TMEM255B: variants seen among roughly 807,000 people sequenced by gnomAD.
TMEM255B encodes family with sequence similarity 70, member B.
TMEM255B carries 35 observed loss-of-function variants against 34.5 expected under a neutral mutation model. The observed-to-expected ratio is 1.01, with a 90% CI of 0.77 to 1.34. The LOEUF (loss-of-function observed/expected upper bound fraction) is 1.34, where lower values mean the gene tolerates loss of function less well. Ranked by LOEUF, TMEM255B falls within the 40% of genes most tolerant of loss-of-function variation. The pLI is 0.00. For missense variants in TMEM255B, 432 were observed against 433.2 expected, an observed-to-expected ratio of 1.00 and a Z score of 0.02; for synonymous variants, 206 against 201.2, an observed-to-expected ratio of 1.02 and a Z score of -0.20.
At chr13:113,775,493 C>T (rs780838609) in intron 3 of TMEM255B, among the ~76,000 whole-genome samples, 10 of 152,218 alleles carry the variant, frequency 6.6e-5, no homozygotes, top group Non-Finnish European at 8.8e-5. Context: ...CAGTGTTGGG[C>T]GGCTCTGCGG....
At chr13:113,765,494 A>G (rs748027800) in intron 1 of TMEM255B, among the ~76,000 whole-genome samples, 9 of 152,176 alleles carry the variant, frequency 5.9e-5, no homozygotes, top group Non-Finnish European at 1.2e-4. Flanking sequence ...ACACATGTGC[A>G]CACACACAAA....
chr13:113,779,916 A>G lies in TMEM255B; in HGVS notation c.252+10756A>G, dbSNP rs563412585. Among the ~76,000 whole-genome samples the G allele has an allele frequency of 1.9e-4, 29 of 152,350 alleles. No individual in the cohort carries two copies. In the South Asian group the frequency reaches 2.3e-3, roughly 12 times the overall value. On this transcript the variant is annotated intron_variant, in intron 3 of 8. Coordinates refer to ENST00000375353, the MANE Select transcript of TMEM255B (RefSeq NM_182614.4). Reference sequence around the variant, plus strand: ...GTTTTCCATTTTTATTAAAAGACACATGGTAGGACTGGTTTACTTTATTAT... The same window carrying G: ...GTTTTCCATTTTTATTAAAAGACACGTGGTAGGACTGGTTTACTTTATTAT...
At chr13:113,768,467 A>G (rs1422119357) in intron 2 of TMEM255B, among the ~76,000 whole-genome samples, 2 of 152,130 alleles carry the variant, frequency 1.3e-5, no homozygotes, top group African/African-American at 2.4e-5. Flanking sequence ...CCTGTGGAGT[A>G]AGGGGGCTCT....
Position 113,792,038 on chromosome 13 carries a change from C to A in TMEM255B, c.253-3110C>A, listed in dbSNP as rs1207917614. On this transcript the variant is annotated intron_variant, in intron 3 of 8. Coordinates refer to ENST00000375353, the MANE Select transcript of TMEM255B (RefSeq NM_182614.4). ...GGAGGCCCCAGAGCTGGGGACGCGG[C>A]CCCGCTGGAGGCCGGCTTTCATCTT... Among the ~76,000 whole-genome samples the A allele has an allele frequency of 2.6e-5, 4 of 152,252 alleles. No homozygotes were observed. The South Asian group carries it at 6.2e-4, about 24-fold the overall frequency.
In TMEM255B at chr13:113,800,842, C is replaced by T. The variant is rs189764657; in HGVS notation, c.439C>T (p.Leu147=). 3.0e-5 allele frequency: 49 copies of T among 1,608,586 alleles called. No homozygotes were observed. Among genetic ancestry groups the T allele is most frequent in the Admixed American group, 8.4e-5 (5 of 59,506 alleles). The part of the protein sequence containing the change: ...VYQTEVTCHS[L]DGKCQLKVRS... ...TCTGCCCCAGGTCACCTGTCACTCC[C>T]TGGACGGCAAGTGCCAGCTGAAGGT... Residue 147 remains leucine, a synonymous_variant, in exon 6 of 9, where the codon CTG becomes TTG. Coordinates refer to ENST00000375353, the MANE Select transcript of TMEM255B (RefSeq NM_182614.4).
intron 3 of TMEM255B, among the ~76,000 whole-genome samples, chr13:113,772,536 T>C (rs1007704448): frequency 2.6e-4 from 39 of 152,238 alleles, no homozygotes; most frequent in African/African-American, 9.2e-4. Context: ...GGAGTTATTA[T>C]AGTTTTAACT....
intron 8 of TMEM255B, among the ~76,000 whole-genome samples, chr13:113,811,134 C>T (rs2051289349): frequency 6.6e-6 from 1 of 150,952 alleles, no homozygotes; most frequent in South Asian, 2.1e-4. Context: ...TTCTGGTGGC[C>T]CTGGGTCTGT....
At chr13:113,778,144 A>G (rs2050609452) in intron 3 of TMEM255B, among the ~76,000 whole-genome samples, 1 of 152,226 alleles carries the variant, frequency 6.6e-6, no homozygotes, top group South Asian at 2.1e-4. Flanking sequence ...GGATCGGTGC[A>G]GGACAGGCGT....
intron 8 of TMEM255B, among the ~76,000 whole-genome samples, chr13:113,811,182 G>GGGACCCGTGAGAGCGGTCCTGGGTCT (rs1566338172): frequency 8.4e-6 from 1 of 119,754 alleles, no homozygotes; most frequent in Non-Finnish European, 1.7e-5. Flanking sequence ...GGGTCTGTGG[G>GGGACCCGTGAGAGCGGTCCTGGGTCT]GTGGGGGCCA....
rs532997248 is a variant in TMEM255B, at chr13:113,804,088, G to A, written c.670-797G>A. 2.0e-5 allele frequency among the ~76,000 whole-genome samples: 3 copies of A among 152,320 alleles called. No homozygotes were observed. The South Asian group carries it at 6.2e-4, about 32-fold the overall frequency. On this transcript the variant is annotated intron_variant, in intron 7 of 8. Transcript: ENST00000375353. ...GCACCTGTGTGAAGGTGGGGAGGGA[G>A]GCGAAGCCCGGGTGCCCTCGGCCCA...
chr13:113,779,109 C>T (rs186717083), intron 3 of TMEM255B, among the ~76,000 whole-genome samples: 1 of 151,948 alleles, frequency 6.6e-6, no homozygotes, highest in East Asian at 1.9e-4. Context: ...GGTTTCAGGT[C>T]AGAGGGGAGT....
intron 3 of TMEM255B, among the ~76,000 whole-genome samples, chr13:113,774,953 A>G: frequency 6.7e-6 from 1 of 149,612 alleles, no homozygotes; most frequent in East Asian, 2.0e-4. Flanking sequence ...TGCACACAAC[A>G]CACGACACAC....
intron 2 of TMEM255B, 71 bp downstream of exon 2, chr13:113,766,328 C>A: frequency 6.2e-7 from 1 of 1,601,372 alleles, no homozygotes; most frequent in South Asian, 1.1e-5. Context: ...GGGTGGAGTC[C>A]ACGCCAGCTC....
Position 113,800,045 on chromosome 13 carries a change from G to A in TMEM255B, c.423+626G>A. On this transcript the variant is annotated intron_variant, in intron 5 of 8. Transcript: ENST00000375353. ...CTGCCAGCTTGTCTGGGACTCTCCAGCAGCTGCCGGGAGGCATCGTGTGTG... is the reference window on the plus strand; with the variant it reads ...CTGCCAGCTTGTCTGGGACTCTCCAACAGCTGCCGGGAGGCATCGTGTGTG... 16 of 1,209,348 alleles carry A rather than the reference G, an allele frequency of 1.3e-5. 1 individual carries two copies. Among genetic ancestry groups the A allele is most frequent in the Non-Finnish European group, 1.7e-5 (16 of 948,648 alleles). 74.9% of individuals were successfully genotyped at this position (1,209,348 alleles called of 1,614,324 possible).
In TMEM255B at chr13:113,770,410, A is replaced by G. The variant is rs766174047; in HGVS notation, c.252+1250A>G. Among the ~76,000 whole-genome samples the G allele has an allele frequency of 5.9e-5, 9 of 152,226 alleles. No individual in the cohort carries two copies. Among genetic ancestry groups the G allele is most frequent in the South Asian group, 2.1e-4 (1 of 4,820 alleles). On this transcript the variant is annotated intron_variant, in intron 3 of 8. Transcript: ENST00000375353. The surrounding 1 kb of genome is among the most constrained non-coding windows in gnomAD (Gnocchi z 4.6). ...ATTTGGGTGAGGACACAGCCAAACC[A>G]TATCACCCCGCATGGGACCCAGCAA...
At chr13:113,762,748 A>G (rs931621792) in intron 1 of TMEM255B, among the ~76,000 whole-genome samples, 11 of 152,194 alleles carry the variant, frequency 7.2e-5, no homozygotes, top group African/African-American at 2.7e-4. Flanking sequence ...GAATCCAGTC[A>G]CAGGGTTCCT....
chr13:113,803,521 G>T (rs183206786), intron 7 of TMEM255B, among the ~76,000 whole-genome samples: 2 of 148,118 alleles, frequency 1.4e-5, no homozygotes, highest in African/African-American at 2.5e-5. Flanking sequence ...GGCCTCCTCC[G>T]CGTGTGACTC....
At position 113,800,819 on chromosome 13, in the gene TMEM255B, T is replaced by C; in HGVS notation, c.424-8T>C. 1 of 1,602,164 alleles carries C rather than the reference T, an allele frequency of 6.2e-7. No individual in the cohort carries two copies. The highest frequency in any genetic ancestry group is 1.1e-5 in the South Asian group (1 of 88,888). Reference sequence around the variant, plus strand: ...GGCATGTGACCTGACAAGGCCTCTCTGCCCCAGGTCACCTGTCACTCCCTG... The same window carrying C: ...GGCATGTGACCTGACAAGGCCTCTCCGCCCCAGGTCACCTGTCACTCCCTG... On this transcript the variant is annotated splice_polypyrimidine_tract_variant and splice_region_variant and intron_variant, in intron 5 of 8. Coordinates refer to ENST00000375353, the MANE Select transcript of TMEM255B (RefSeq NM_182614.4).
At chr13:113,795,584 C>A (rs1459584082) in intron 4 of TMEM255B, among the ~76,000 whole-genome samples, 2 of 147,408 alleles carry the variant, frequency 1.4e-5, no homozygotes, top group Non-Finnish European at 3.0e-5. Flanking sequence ...GAGCACACAG[C>A]ACACACACCA....
Sources: gnomAD v4.1 joint callset for allele counts (sites outside exome capture counted in the v4.1 genomes callset) on GRCh38, gnomAD v4.1.1 for gene constraint, Gnocchi (gnomAD v3.1) non-coding constraint, MANE v1.5 for transcripts, NCBI Gene and HGNC (gene_info 2026-07-23, HGNC 2026-07-21) for gene names.